The following DISC1 variants were observed in gnomAD, a reference collection of about 807,000 sequenced individuals.
DISC1 encodes disrupted in schizophrenia 1 protein.
Under a neutral mutation model 84.5 loss-of-function variants are expected in DISC1, and 57 were observed. That is an observed-to-expected ratio of 0.67 (90% CI 0.55 to 0.84). The LOEUF (loss-of-function observed/expected upper bound fraction) is 0.84. Among genes scored for constraint, DISC1 ranks in the 40% least tolerant of loss-of-function variants. The pLI is 0.00. For synonymous variants in DISC1, 411 were observed against 415.2 expected (o/e 0.99, Z 0.12); for missense variants, 1,000 against 1,057.8 (o/e 0.95, Z 0.76).
At chr1:232,010,240 T>A (rs1172825330) in intron 11 of DISC1, among the ~76,000 whole-genome samples, 2 of 152,180 alleles carry the variant, frequency 1.3e-5, no homozygotes, top group Non-Finnish European at 2.9e-5. Context: ...CAAAGCCTGG[T>A]CTCCAATGCT....
At chr1:231,659,791 T>G (rs1427515883) in intron 1 of DISC1, among the ~76,000 whole-genome samples, 1 of 152,216 alleles carries the variant, frequency 6.6e-6, no homozygotes, top group East Asian at 1.9e-4. Flanking sequence ...TGGTTTTGAG[T>G]GAATTTCTTA....
chr1:231,724,218 TG>T, intron 3 of DISC1: 1 of 237,450 alleles, frequency 4.2e-6, no homozygotes, highest in Non-Finnish European at 6.9e-6. Flanking sequence ...TCTCCTGGGA[TG>T]CCCAGGGGCC....
At chr1:231,772,989 A>G (rs1318969684) in intron 6 of DISC1, among the ~76,000 whole-genome samples, 1 of 152,176 alleles carries the variant, frequency 6.6e-6, no homozygotes, top group Non-Finnish European at 1.5e-5. Context: ...CTGCACTTTC[A>G]GAACCATTCT....
At chr1:231,641,374 A>C (rs929018747) in intron 1 of DISC1, among the ~76,000 whole-genome samples, 2 of 151,032 alleles carry the variant, frequency 1.3e-5, no homozygotes, top group Admixed American at 1.3e-4. Context: ...CTTCGCGGTG[A>C]GTGTTACAGC....
chr1:231,806,007 T>C (rs1277944075), intron 8 of DISC1, among the ~76,000 whole-genome samples: 1 of 152,234 alleles, frequency 6.6e-6, no homozygotes, highest in East Asian at 1.9e-4. Flanking sequence ...TTTAACCTTT[T>C]CAGGTCTTGT....
chr1:232,020,983 G>A (rs1572659534), intron 11 of DISC1, among the ~76,000 whole-genome samples: 1 of 152,324 alleles, frequency 6.6e-6, no homozygotes, highest in East Asian at 1.9e-4. Flanking sequence ...AAATACACCT[G>A]ATGCTTCCTG....
At chr1:232,026,762 CTTTT>C (rs545455868) in intron 12 of DISC1, among the ~76,000 whole-genome samples, 22,694 of 110,450 alleles carry the variant, frequency 0.21, 1,241 homozygotes, top group African/African-American at 0.28. Flanking sequence ...TTTCTTTTTT[CTTTT>C]TTTTTTTTTT....
Position 231,958,888 on chromosome 1 carries a change from G to A in DISC1, c.2042G>A (p.Ser681Asn). Residue 681 changes from serine to asparagine, a missense_variant and splice_region_variant, in exon 10 of 13, where the codon AGC becomes AAC. Ser to Asn is a conservative substitution (Grantham distance 46). Coordinates refer to ENST00000439617, the MANE Select transcript of DISC1 (RefSeq NM_018662.3). ...YMETLKNKLCSCKCPLLGKVW... is the reference protein window; with the variant it reads ...YMETLKNKLCNCKCPLLGKVW... Reference sequence around the variant, plus strand: ...GAAACACTTAAGAATAAACTGTGCAGGTAAGGATAATAATTTCTGTATTTC... The same window carrying A: ...GAAACACTTAAGAATAAACTGTGCAAGTAAGGATAATAATTTCTGTATTTC... 1 of 1,612,454 alleles carries A rather than the reference G, an allele frequency of 6.2e-7. No homozygotes were observed. The highest frequency in any genetic ancestry group is 8.5e-7 in the Non-Finnish European group (1 of 1,179,422).
chr1:231,950,163 T>C (rs1658059519), intron 9 of DISC1, among the ~76,000 whole-genome samples: 1 of 151,934 alleles, frequency 6.6e-6, no homozygotes, highest in Non-Finnish European at 1.5e-5. Context: ...GTCCCAAATT[T>C]TCTTCCTTCT....
At position 231,855,847 on chromosome 1, in the gene DISC1, G is replaced by A. The variant is rs73093431; in HGVS notation, c.1981+37330G>A. Among the ~76,000 whole-genome samples the A allele has an allele frequency of 9.1e-3, 1,388 of 152,182 alleles. 22 individuals are homozygous for A. Among genetic ancestry groups the A allele is most frequent in the African/African-American group, 0.032 (1,312 of 41,508 alleles). Reference sequence around the variant, plus strand: ...ATCTTTCTTCCTTGAATATGTTCACGTGCATATTCCAAAAAAGGTTCTCAT... The same window carrying A: ...ATCTTTCTTCCTTGAATATGTTCACATGCATATTCCAAAAAAGGTTCTCAT... On this transcript the variant is annotated intron_variant, in intron 9 of 12. Transcript: ENST00000439617.
At chr1:231,778,466 G>A (rs999698638) in intron 6 of DISC1, among the ~76,000 whole-genome samples, 2 of 152,186 alleles carry the variant, frequency 1.3e-5, no homozygotes, top group Admixed American at 1.3e-4. Flanking sequence ...TGGGCAGGCT[G>A]TGACCATCCA....
At chr1:231,759,782 CCA>C (rs2075491524) in intron 4 of DISC1, among the ~76,000 whole-genome samples, 1 of 152,098 alleles carries the variant, frequency 6.6e-6, no homozygotes, top group Non-Finnish European at 1.5e-5. Context: ...AGATGGGGAA[CCA>C]CAAGAGACAG....
At chr1:231,660,227 C>T (rs948116332) in intron 1 of DISC1, among the ~76,000 whole-genome samples, 1 of 152,022 alleles carries the variant, frequency 6.6e-6, no homozygotes, top group African/African-American at 2.4e-5. Flanking sequence ...ATTATTAATG[C>T]CCTTCTTTAT....
intron 9 of DISC1, among the ~76,000 whole-genome samples, chr1:231,820,366 G>GTGTTCAAGTTTA (rs1395196447): frequency 6.6e-6 from 1 of 152,186 alleles, no homozygotes; most frequent in East Asian, 1.9e-4. Flanking sequence ...AGGGAGCTCT[G>GTGTTCAAGTTTA]TGTTCAAGTT....
chr1:231,653,492 A>G (rs1376852983), intron 1 of DISC1, among the ~76,000 whole-genome samples: 1 of 152,224 alleles, frequency 6.6e-6, no homozygotes, highest in East Asian at 1.9e-4. Context: ...AGTGGCAGAT[A>G]CTGCTTCTGC....
intron 9 of DISC1, among the ~76,000 whole-genome samples, chr1:231,943,340 G>A (rs1462353364): frequency 1.3e-5 from 2 of 152,268 alleles, no homozygotes; most frequent in African/African-American, 2.4e-5. Context: ...GAGTGAGGGG[G>A]AAGATGTGGG....
intron 1 of DISC1, among the ~76,000 whole-genome samples, chr1:231,634,299 C>T (rs533022965): frequency 6.6e-6 from 1 of 151,936 alleles, no homozygotes; most frequent in South Asian, 2.1e-4. Context: ...TACTCCAACA[C>T]TGATAGGAAA....
At position 232,024,223 on chromosome 1, in the gene DISC1, T is replaced by C. The variant is rs1055851774; in HGVS notation, c.2308-2212T>C. On this transcript the variant is annotated intron_variant, in intron 11 of 12. Transcript: ENST00000439617. ...TGTATGTTATTGCCACTAGATTTCT[T>C]TTCTATATACACTTACTTGCAGTAA... Among the ~76,000 whole-genome samples, 3 of 152,278 alleles carry C rather than the reference T, an allele frequency of 2.0e-5. No homozygotes were observed. In the South Asian group the frequency reaches 6.2e-4, roughly 32 times the overall value.
intron 1 of DISC1, among the ~76,000 whole-genome samples, chr1:231,688,516 C>T (rs758211737): frequency 3.3e-5 from 5 of 152,216 alleles, no homozygotes; most frequent in Non-Finnish European, 4.4e-5. Context: ...TCACCAAATG[C>T]AGCACCCTTC....
Sources: allele counts gnomAD v4.1 joint callset (sites outside exome capture counted in the v4.1 genomes callset), GRCh38; gene constraint gnomAD v4.1.1; transcripts MANE v1.5; gene names NCBI Gene and HGNC (gene_info 2026-07-23, HGNC 2026-07-21).